The following RARB variants were observed in gnomAD, a reference collection of about 807,000 sequenced individuals.
RARB encodes the protein HBV-activated protein.
Under a neutral mutation model 51.9 loss-of-function variants are expected in RARB, and 17 were observed. The observed-to-expected ratio is 0.33, with a 90% confidence interval of 0.22 to 0.49. The LOEUF (loss-of-function observed/expected upper bound fraction) is 0.49. Ranked by LOEUF, RARB falls within the 20% of genes least tolerant of loss-of-function variation. RARB has a pLI of 0.99. For missense variants in RARB, 369 were observed against 550.8 expected, an observed-to-expected ratio of 0.67 and a Z score of 3.30; for synonymous variants, 215 against 195.4, an observed-to-expected ratio of 1.10 and a Z score of -0.84.
chr3:25,003,100 C>T (rs1216895540), intron 2 of RARB, among the ~76,000 whole-genome samples: 2 of 151,356 alleles, frequency 1.3e-5, no homozygotes, highest in South Asian at 2.1e-4. Context: ...GGTGGCCATC[C>T]TTGATCTTGA....
At chr3:25,074,579 G>T (rs1343663162) in intron 3 of RARB, among the ~76,000 whole-genome samples, 1 of 152,134 alleles carries the variant, frequency 6.6e-6, no homozygotes, top group Non-Finnish European at 1.5e-5. Context: ...TTCGAAGCCT[G>T]CCAAGTTACA....
chr3:25,320,361 C>G (rs9867006), intron 5 of RARB, among the ~76,000 whole-genome samples: 16,633 of 152,058 alleles, frequency 0.11, 1,008 homozygotes, highest in South Asian at 0.18. Context: ...TGTAGTAGTA[C>G]TTTCACACCA....
chr3:24,876,765 C>T (rs1703051212), intron 2 of RARB, among the ~76,000 whole-genome samples: 1 of 151,972 alleles, frequency 6.6e-6, no homozygotes, highest in Admixed American at 6.6e-5. Flanking sequence ...GATATTATGC[C>T]AAAATACAAA....
chr3:25,058,394 A>G (rs553012933), intron 2 of RARB, among the ~76,000 whole-genome samples: 1 of 151,898 alleles, frequency 6.6e-6, no homozygotes, highest in South Asian at 2.1e-4. Context: ...TGACCAATCT[A>G]ATGACTTTTG....
At chr3:24,904,055 G>C (rs144219447) in intron 2 of RARB, among the ~76,000 whole-genome samples, 3 of 152,170 alleles carry the variant, frequency 2.0e-5, no homozygotes, top group African/African-American at 7.2e-5. Flanking sequence ...TGAAGGAAAT[G>C]ATGATTTTAG....
At chr3:25,297,933 G>T (rs1165893293) in intron 5 of RARB, among the ~76,000 whole-genome samples, 6 of 152,126 alleles carry the variant, frequency 3.9e-5, no homozygotes, top group African/African-American at 1.4e-4. Context: ...TTATGTGTGT[G>T]TGTATACATA....
At chr3:25,216,826 G>A (rs1417516184) in intron 5 of RARB, among the ~76,000 whole-genome samples, 1 of 150,270 alleles carries the variant, frequency 6.7e-6, no homozygotes, top group Non-Finnish European at 1.5e-5. Context: ...CTATAGTTTT[G>A]CTCCTCCATT....
At chr3:25,060,441 G>T (rs1234602619) in intron 3 of RARB, among the ~76,000 whole-genome samples, 3 of 151,806 alleles carry the variant, frequency 2.0e-5, no homozygotes, top group Admixed American at 1.3e-4. Context: ...GCAGAGGGTT[G>T]CAAACTATAA....
chr3:25,134,047 T>TAGG (rs1559478737), intron 4 of RARB, among the ~76,000 whole-genome samples: 1 of 151,844 alleles, frequency 6.6e-6, no homozygotes, highest in Admixed American at 6.6e-5. Context: ...TGCTCTTCTA[T>TAGG]TTTTTGTTAT....
At chr3:25,353,875 A>T (rs1217653243) in intron 5 of RARB, among the ~76,000 whole-genome samples, 1 of 152,110 alleles carries the variant, frequency 6.6e-6, no homozygotes, top group East Asian at 1.9e-4. Flanking sequence ...TTAGGGCCTG[A>T]ATATATGAAA....
At chr3:24,972,740 T>G (rs1019341099) in intron 2 of RARB, among the ~76,000 whole-genome samples, 1 of 152,010 alleles carries the variant, frequency 6.6e-6, no homozygotes, top group East Asian at 1.9e-4. Context: ...TTTGGATGAT[T>G]AGTGATATTA....
At chr3:24,889,420 G>A (rs558532562) in intron 2 of RARB, among the ~76,000 whole-genome samples, 135 of 152,178 alleles carry the variant, frequency 8.9e-4, no homozygotes, top group Non-Finnish European at 1.7e-3. Context: ...CAGTGTTTAC[G>A]TTTTTTATTA....
intron 5 of RARB, among the ~76,000 whole-genome samples, chr3:25,589,666 C>G (rs1048202106): frequency 6.6e-6 from 1 of 152,190 alleles, no homozygotes; most frequent in African/African-American, 2.4e-5. Flanking sequence ...ACACTCCCAT[C>G]AAAAGCAATA....
At chr3:25,006,873 C>G (rs1382194009) in intron 2 of RARB, among the ~76,000 whole-genome samples, 1 of 152,030 alleles carries the variant, frequency 6.6e-6, no homozygotes, top group Non-Finnish European at 1.5e-5. Flanking sequence ...TTTTTAACAA[C>G]AAATTTTTTA....
intron 5 of RARB, among the ~76,000 whole-genome samples, chr3:25,353,561 T>G (rs981727877): frequency 6.8e-6 from 1 of 146,730 alleles, no homozygotes. Context: ...ATTGATATCT[T>G]TTGTGGGAAA....
intron 3 of RARB, among the ~76,000 whole-genome samples, chr3:25,520,126 C>T (rs151133667): frequency 5.9e-5 from 9 of 152,200 alleles, no homozygotes; most frequent in Non-Finnish European, 1.0e-4. Context: ...GTAGTTGTCA[C>T]AGAGGCCATA....
intron 1 of RARB, among the ~76,000 whole-genome samples, chr3:24,829,902 T>C (rs894325133): frequency 4.6e-5 from 7 of 152,202 alleles, no homozygotes; most frequent in Admixed American, 2.0e-4. Flanking sequence ...AGGTTCTCGC[T>C]CCATTCCCCT....
At chr3:25,216,186 G>T (rs1701828113) in intron 5 of RARB, among the ~76,000 whole-genome samples, 1 of 152,096 alleles carries the variant, frequency 6.6e-6, no homozygotes, top group South Asian at 2.1e-4. Flanking sequence ...ACAGCCAATG[G>T]GCCCCCTGCT....
chr3:25,153,985 G>C (rs1700335170), intron 4 of RARB, among the ~76,000 whole-genome samples: 1 of 152,212 alleles, frequency 6.6e-6, no homozygotes, highest in East Asian at 1.9e-4. Context: ...GGTACATGAA[G>C]AATGCAGAGA....
Sources: allele counts gnomAD v4.1 joint callset (sites outside exome capture counted in the v4.1 genomes callset), GRCh38; gene constraint gnomAD v4.1.1; transcripts MANE v1.5; gene names NCBI Gene and HGNC (gene_info 2026-07-23, HGNC 2026-07-21).